Variants in CCDC27 observed in about 807,000 individuals in gnomAD.
CCDC27 encodes the protein coiled-coil domain-containing protein 27.
A neutral mutation model predicts 80.3 loss-of-function variants in CCDC27; 80 were observed. The observed-to-expected ratio is 1.00, with a 90% confidence interval of 0.83 to 1.20. CCDC27 has a LOEUF of 1.20. Ranked by LOEUF, CCDC27 falls within the 50% of genes most tolerant of loss-of-function variation. The pLI, the probability that CCDC27 is intolerant of heterozygous loss-of-function variation, is 0.00. For missense variants in CCDC27, 815 were observed against 809.4 expected (o/e 1.01, Z -0.08); for synonymous variants, 342 against 334.3 (o/e 1.02, Z -0.25).
At chr1:3,767,589 C>T in intron 10 of CCDC27, 144 bp downstream of exon 10, 5 of 667,186 alleles carry the variant, frequency 7.5e-6, no homozygotes, top group Non-Finnish European at 1.3e-5. Flanking sequence ...CCAGCATCCA[C>T]ACAGAGTTGA....
Position 3,763,726 on chromosome 1 carries a change from C to G in CCDC27, c.1342C>G (p.Gln448Glu), listed in dbSNP as rs577104359. ...CCCAGGAGTGATTGCGTCTTTACAACAACAAGTGGATTTCCAAGAAACCCA... is the reference window on the plus strand; with the variant it reads ...CCCAGGAGTGATTGCGTCTTTACAAGAACAAGTGGATTTCCAAGAAACCCA... Reference protein sequence around the residue: ...LATGVIASLQQQVDFQETQLR... With the variant: ...LATGVIASLQEQVDFQETQLR... The change falls in exon 8 of 12, where the codon CAA (glutamine) becomes GAA (glutamate). Residue 448 changes from glutamine (Q) to glutamate (E), a missense_variant. Physicochemically the swap from Gln to Glu is conservative, Grantham distance 29. Transcript: ENST00000294600. This position sits in a 1 kb window ranked among gnomAD's most constrained non-coding sequence, Gnocchi z 7.5. 1.2e-6 allele frequency: 2 copies of G among 1,614,140 alleles called. No individual in the cohort carries two copies. The highest frequency in any genetic ancestry group is 4.5e-5 in the East Asian group (2 of 44,880).
intron 8 of CCDC27, among the ~76,000 whole-genome samples, chr1:3,764,863 C>T (rs113261505): frequency 2.6e-5 from 4 of 152,126 alleles, no homozygotes; most frequent in Admixed American, 1.3e-4. Flanking sequence ...TGGTGAAACC[C>T]CAGCTCTACT....
intron 8 of CCDC27, among the ~76,000 whole-genome samples, chr1:3,765,035 C>CAA (rs57991746): frequency 4.3e-5 from 5 of 115,066 alleles, no homozygotes; most frequent in South Asian, 2.6e-4. Context: ...AACTCCATCT[C>CAA]AAAAAAAAAA....
intron 3 of CCDC27, chr1:3,756,476 G>T: frequency 2.8e-6 from 1 of 357,498 alleles, no homozygotes; most frequent in Non-Finnish European, 5.2e-6. Context: ...TGGGTGTCTC[G>T]GCCAGAGCTT....
Position 3,760,708 on chromosome 1 carries a change from C to A in CCDC27, c.712-573C>A, listed in dbSNP as rs540736910. Reference sequence around the variant, plus strand: ...TCCTTCCAGAATATTCTGTTGGGATCATTTTCCTTCCACCTGAAGAACTCC... The same window carrying A: ...TCCTTCCAGAATATTCTGTTGGGATAATTTTCCTTCCACCTGAAGAACTCC... On this transcript the variant is annotated intron_variant, in intron 4 of 11. Coordinates refer to ENST00000294600, the MANE Select transcript of CCDC27 (RefSeq NM_152492.3). This position sits in a 1 kb window ranked among gnomAD's most constrained non-coding sequence, Gnocchi z 4.3. 6.6e-6 allele frequency among the ~76,000 whole-genome samples: 1 copy of A among 152,186 alleles called. No homozygotes were observed. The highest frequency in any genetic ancestry group is 2.4e-5 in the African/African-American group (1 of 41,446).
Position 3,755,488 on chromosome 1 carries a change from G to A in CCDC27, c.474G>A (p.Glu158=). 6 of 1,614,210 alleles carry A rather than the reference G, an allele frequency of 3.7e-6. No homozygotes were observed. Among genetic ancestry groups the A allele is most frequent in the Non-Finnish European group, 5.1e-6 (6 of 1,180,036 alleles). Residue 158 remains glutamate (E), a synonymous_variant, in exon 3 of 12, where the codon GAG becomes GAA. Transcript: ENST00000294600. ...GSPTEADLSG[E]IDNSSETWRG... The stretch of plus-strand genomic sequence containing the variant: ...CCACTGAGGCCGATTTGTCCGGAGA[G>A]ATTGACAACAGCTCGGAGACCTGGA...
Position 3,761,721 on chromosome 1 carries a change from T to A in CCDC27, c.861+291T>A, listed in dbSNP as rs1454677643. ...AGCCGTGAGCCGATGTCTAGGCACC[T>A]GCACCTGGCTTCTGACTTGCTTTCT... On this transcript the variant is annotated intron_variant, in intron 5 of 11. Coordinates refer to ENST00000294600, the MANE Select transcript of CCDC27 (RefSeq NM_152492.3). This position sits in a 1 kb window ranked among gnomAD's most constrained non-coding sequence, Gnocchi z 5.0. Among the ~76,000 whole-genome samples the A allele has an allele frequency of 6.6e-6, 1 of 152,178 alleles. No homozygotes were observed. Among genetic ancestry groups the A allele is most frequent in the South Asian group, 2.1e-4 (1 of 4,834 alleles).
rs1643365838 is a variant in CCDC27, at chr1:3,771,576, C to T, written c.*53C>T. On this transcript the variant is annotated 3_prime_UTR_variant, in exon 12 of 12. Transcript: ENST00000294600. ...GCCCAGCAGAGGCCGGGGCCCAGCTCCAGAACCACCCGCCCCCACCATGCG... is the reference window on the plus strand; with the variant it reads ...GCCCAGCAGAGGCCGGGGCCCAGCTTCAGAACCACCCGCCCCCACCATGCG... 1 of 1,594,784 alleles carries T rather than the reference C, an allele frequency of 6.3e-7. No homozygotes were observed. The highest frequency in any genetic ancestry group is 2.2e-5 in the East Asian group (1 of 44,748).
chr1:3,754,643 C>A (rs1476115388), intron 2 of CCDC27, among the ~76,000 whole-genome samples: 2 of 152,128 alleles, frequency 1.3e-5, no homozygotes, highest in Non-Finnish European at 2.9e-5. Flanking sequence ...CCGGTCCAAA[C>A]CCTTCACTGC....
chr1:3,767,823 C>T (rs1643270365), intron 10 of CCDC27, among the ~76,000 whole-genome samples: 1 of 152,204 alleles, frequency 6.6e-6, no homozygotes, highest in Non-Finnish European at 1.5e-5. Context: ...CTGGACCAGG[C>T]ACCATTCTAA....
rs1325060689 is a variant in CCDC27 at position 3,752,568 on chromosome 1, C to G, written c.87C>G (p.Ser29=). ...AGCCGGGCCTGTCCTCATTCAGGTC[C>G]ACATTCAGGCAACAAAGCTCACTTG... ...REKPGLSSFR[S]TFRQQSSLGL... is the part of the protein sequence containing the mutation. Residue 29 remains serine, a synonymous_variant, in exon 1 of 12, where the codon TCC becomes TCG. Coordinates refer to ENST00000294600, the MANE Select transcript of CCDC27 (RefSeq NM_152492.3). The G allele has an allele frequency of 6.2e-7, 1 of 1,614,064 alleles. No individual in the cohort carries two copies.
At chr1:3,755,279 G>C (rs1642923361) in intron 2 of CCDC27, among the ~76,000 whole-genome samples, 178 bp from the exon 3 acceptor site, 1 of 152,174 alleles carries the variant, frequency 6.6e-6, no homozygotes, top group Non-Finnish European at 1.5e-5. Context: ...GAGACACCAG[G>C]GCAGGCAGGA....
At chr1:3,762,519 A>G in intron 5 of CCDC27, 101 bp from the exon 6 acceptor site, 1 of 912,726 alleles carries the variant, frequency 1.1e-6, no homozygotes, top group Non-Finnish European at 1.7e-6. Flanking sequence ...TCCCCTCCCC[A>G]GACATGAGAG....
At chr1:3,756,359 G>A (rs12128087) in intron 3 of CCDC27, 31,034 of 148,062 alleles carry the variant, frequency 0.21, 3,510 homozygotes, top group Admixed American at 0.27. Context: ...AAAAAAAAAA[G>A]AGAGATGGGA....
At position 3,760,440 on chromosome 1, in the gene CCDC27, G is replaced by A. The variant is rs78601818; in HGVS notation, c.712-841G>A. Among the ~76,000 whole-genome samples, 32 of 151,800 alleles carry A rather than the reference G, an allele frequency of 2.1e-4. No individual in the cohort carries two copies. In the East Asian group the frequency reaches 6.2e-3, roughly 29 times the overall value. On this transcript the variant is annotated intron_variant, in intron 4 of 11. Coordinates refer to ENST00000294600, the MANE Select transcript of CCDC27 (RefSeq NM_152492.3). This position sits in a 1 kb window ranked among gnomAD's most constrained non-coding sequence, Gnocchi z 4.3. ...CGGGATTAATTTTAGTTCTTTTTCT[G>A]AACTCTTGAGATAGATACTTGGGTC...
intron 4 of CCDC27, among the ~76,000 whole-genome samples, chr1:3,757,428 A>T (rs1019751486): frequency 1.3e-5 from 2 of 151,194 alleles, no homozygotes; most frequent in African/African-American, 4.9e-5. Flanking sequence ...TTTTTATTTT[A>T]TTATTATTAT....
rs1270461308 is a variant in CCDC27, at chr1:3,766,739, C to A, written c.1530+127C>A. 2.9e-6 allele frequency: 2 copies of A among 688,460 alleles called. No homozygotes were observed. The highest frequency in any genetic ancestry group is 5.1e-5 in the Admixed American group (2 of 39,204). 42.6% of individuals were successfully genotyped at this position (688,460 alleles called of 1,614,324 possible). A position where few individuals can be genotyped will look rare whatever the true frequency, so the allele number is the denominator to read the frequency against. ...GAGCCAGGACCCCTTCGGTAGCATG[C>A]CACTCGACAGATCTCTGCACCCCAC... On this transcript the variant is annotated intron_variant, in intron 9 of 11. Coordinates refer to ENST00000294600, the MANE Select transcript of CCDC27 (RefSeq NM_152492.3). This position sits in a 1 kb window ranked among gnomAD's most constrained non-coding sequence, Gnocchi z 6.1.
rs183126324 is a variant in CCDC27, at chr1:3,756,884, C to T, written c.705C>T (p.His235=). ...TGCCCTGGTACCTCTCAGTCATCCACGAGAAGGTACTGGCGGAGGGGGTGC... is the reference window on the plus strand; with the variant it reads ...TGCCCTGGTACCTCTCAGTCATCCATGAGAAGGTACTGGCGGAGGGGGTGC... ...KRMPWYLSVI[H]EKDHCLSELE... The change falls in exon 4 of 12, where the codon CAC becomes CAT. Residue 235 remains histidine (H), a synonymous_variant. Coordinates refer to ENST00000294600, the MANE Select transcript of CCDC27 (RefSeq NM_152492.3). The T allele has an allele frequency of 1.5e-5, 24 of 1,612,022 alleles. No homozygotes were observed. Among genetic ancestry groups the T allele is most frequent in the South Asian group, 9.9e-5 (9 of 90,884 alleles).
chr1:3,756,929 C>G, intron 4 of CCDC27, 39 bp downstream of exon 4: 1 of 1,590,070 alleles, frequency 6.3e-7, no homozygotes, highest in African/African-American at 1.3e-5. Flanking sequence ...CCCCCCACCC[C>G]TCTCTCTGCG....
Sources: gnomAD v4.1 joint callset for allele counts (sites outside exome capture counted in the v4.1 genomes callset) on GRCh38, gnomAD v4.1.1 for gene constraint, Gnocchi (gnomAD v3.1) non-coding constraint, MANE v1.5 for transcripts, NCBI Gene and HGNC (gene_info 2026-07-23, HGNC 2026-07-21) for gene names.